ABCG8: variants seen among roughly 807,000 people sequenced by gnomAD.
The protein encoded by ABCG8 is ATP binding cassette subfamily G member 8.
ABCG8 carries 81 observed loss-of-function variants against 71.3 expected under a neutral mutation model. The ratio of observed to expected loss-of-function variants is 1.14; its 90% CI spans 0.95 to 1.37. The LOEUF is 1.37. ABCG8 is among the 40% of genes most tolerant of loss of function. The pLI is 0.00. For synonymous variants in ABCG8, 451 were observed against 354.7 expected (o/e 1.27, Z -3.05); for missense variants, 1,119 against 866.2 (o/e 1.29, Z -3.66).
chr2:43,852,746 A>G lies in ABCG8; in HGVS notation c.842A>G (p.Asp281Gly). ...QPRSDIFRLF[D>G]LVLLMTSGTP... The stretch of plus-strand genomic sequence containing the variant: ...CGCTCTGACATCTTCAGGCTGTTTG[A>G]TCTGGTCCTCCTGATGACGTCTGGC... Residue 281 changes from aspartate (D) to glycine (G), a missense_variant, in exon 6 of 13, where the codon GAT becomes GGT. Asp to Gly is a moderately conservative substitution (Grantham distance 94, BLOSUM62 -1). Coordinates refer to ENST00000272286, the MANE Select transcript of ABCG8 (RefSeq NM_022437.3). The G allele has an allele frequency of 1.9e-6, 3 of 1,614,090 alleles. No homozygotes were observed. The highest frequency in any genetic ancestry group is 1.7e-6 in the Non-Finnish European group (2 of 1,180,016).
intron 3 of ABCG8, chr2:43,846,987 CGT>C (rs199884676): frequency 0.11 from 11,395 of 100,770 alleles, 578 homozygotes; most frequent in African/African-American, 0.21. Flanking sequence ...TGCACGCGCG[CGT>C]GCACACACAC....
intron 3 of ABCG8, 143 bp downstream of exon 3, chr2:43,846,454 C>G (rs562516813): frequency 8.1e-7 from 1 of 1,237,402 alleles, no homozygotes; most frequent in Admixed American, 2.0e-5. Flanking sequence ...GGTTCTGGGT[C>G]AGACAGACCT....
intron 6 of ABCG8, among the ~76,000 whole-genome samples, chr2:43,870,221 A>G (rs35206901): frequency 0.21 from 31,794 of 150,268 alleles, 3,438 homozygotes; most frequent in Admixed American, 0.27. Flanking sequence ...CACTGTCTGG[A>G]TATAATCCTC....
chr2:43,849,984 G>C (rs957731342), intron 3 of ABCG8, among the ~76,000 whole-genome samples: 1 of 152,180 alleles, frequency 6.6e-6, no homozygotes, highest in Non-Finnish European at 1.5e-5. Flanking sequence ...CGGATCACCT[G>C]AGGTCAGGGG....
chr2:43,877,992 T>C lies in ABCG8; in HGVS notation c.*79T>C. The C allele has an allele frequency of 3.1e-6, 5 of 1,602,664 alleles. No individual in the cohort carries two copies. In the South Asian group the frequency reaches 3.3e-5, roughly 11 times the overall value. The stretch of plus-strand genomic sequence containing the variant: ...CACTCCCTCCTCAGGAGCCCCTTCC[T>C]GGGGACAGTGAGGACAATGACCCTA... On this transcript the variant is annotated 3_prime_UTR_variant, in exon 13 of 13. Transcript: ENST00000272286.
intron 6 of ABCG8, among the ~76,000 whole-genome samples, chr2:43,860,187 G>C (rs1208437369): frequency 6.7e-6 from 1 of 150,244 alleles, no homozygotes; most frequent in Non-Finnish European, 1.5e-5. Context: ...CTCACTATCT[G>C]TCTGGATAGA....
intron 6 of ABCG8, among the ~76,000 whole-genome samples, chr2:43,870,211 C>T (rs528335207): frequency 2.6e-4 from 39 of 149,844 alleles, no homozygotes; most frequent in Non-Finnish European, 2.9e-5. Context: ...ATAGAATTCT[C>T]ACTGTCTGGA....
intron 6 of ABCG8, among the ~76,000 whole-genome samples, chr2:43,863,538 C>A (rs1293852355): frequency 1.3e-5 from 2 of 151,188 alleles, no homozygotes; most frequent in Non-Finnish European, 3.0e-5. Flanking sequence ...GGATAGAATT[C>A]TCACCCTCTG....
rs1208569321 is a variant in ABCG8, at chr2:43,881,197, C to G, written c.*3284C>G. ...TAACTCAGTGGCTCTGTATGCCGTG[C>G]TGAAGGGGAAAAGGGCAAAGTGCAA... On this transcript the variant is annotated 3_prime_UTR_variant, in exon 13 of 13. Transcript: ENST00000272286. 6.6e-6 allele frequency: 1 copy of G among 152,232 alleles called. No individual in the cohort carries two copies. Among genetic ancestry groups the G allele is most frequent in the Non-Finnish European group, 1.5e-5 (1 of 68,064 alleles). The allele number at this position is 152,232 out of a possible 1,614,324, so 9.4% of individuals were successfully genotyped here. A position where few individuals can be genotyped will look rare whatever the true frequency, so the allele number is the denominator to read the frequency against.
chr2:43,867,522 G>T (rs767694101), intron 6 of ABCG8, among the ~76,000 whole-genome samples: 2 of 151,782 alleles, frequency 1.3e-5, no homozygotes, highest in Non-Finnish European at 2.9e-5. Flanking sequence ...TATCTGGATA[G>T]AATTGTCACC....
chr2:43,846,325 A>AAATC lies in ABCG8; in HGVS notation c.322+15_322+18dup. The AAATC allele has an allele frequency of 6.2e-7, 1 of 1,614,152 alleles. No homozygotes were observed. Among genetic ancestry groups the AAATC allele is most frequent in the Non-Finnish European group, 8.5e-7 (1 of 1,180,008 alleles). On this transcript the variant is annotated intron_variant, in intron 3 of 12. Transcript: ENST00000272286. ...TAGGGAGCTCAGGTACCGGAAAGGCAAATCGCTGGGCAATGGTTTCTCTCC... is the reference window on the plus strand; with the variant it reads ...TAGGGAGCTCAGGTACCGGAAAGGCAAATCAATCGCTGGGCAATGGTTTCTCTCC...
Position 43,852,407 on chromosome 2 carries a change from G to C in ABCG8, c.615G>C (p.Val205=). 1 of 1,612,504 alleles carries C rather than the reference G, an allele frequency of 6.2e-7. No homozygotes were observed. The highest frequency in any genetic ancestry group is 8.5e-7 in the Non-Finnish European group (1 of 1,180,018). Reference sequence around the variant, plus strand: ...TTAGGCAGTGCGCTGACACCCGCGTGGGCAACATGTACGTGCGGGGGTTGT... The same window carrying C: ...TTAGGCAGTGCGCTGACACCCGCGTCGGCAACATGTACGTGCGGGGGTTGT... ...LRLRQCADTR[V]GNMYVRGLSG... is the part of the protein sequence containing the mutation. The change falls in exon 5 of 13, where the codon GTG becomes GTC. Residue 205 remains valine, a synonymous_variant. Coordinates refer to ENST00000272286, the MANE Select transcript of ABCG8 (RefSeq NM_022437.3).
At chr2:43,871,867 G>A in intron 6 of ABCG8, 109 bp from the exon 7 acceptor site, 3 of 1,487,228 alleles carry the variant, frequency 2.0e-6, no homozygotes, top group Non-Finnish European at 2.8e-6. Context: ...ATGTCCCAGA[G>A]CCCCACGAGG....
intron 6 of ABCG8, among the ~76,000 whole-genome samples, chr2:43,855,871 T>C (rs1317747738): frequency 6.6e-6 from 1 of 152,080 alleles, no homozygotes; most frequent in African/African-American, 2.4e-5. Flanking sequence ...ACTCACTGTA[T>C]AGAACTCTCA....
At chr2:43,877,263 A>T (rs1404658619) in intron 11 of ABCG8, among the ~76,000 whole-genome samples, 1 of 148,974 alleles carries the variant, frequency 6.7e-6, no homozygotes, top group Non-Finnish European at 1.5e-5. Context: ...TATAAAGGAG[A>T]CCGTGGGAAT....
intron 8 of ABCG8, 51 bp from the exon 9 acceptor site, chr2:43,873,736 C>A: frequency 5.1e-6 from 8 of 1,584,024 alleles, no homozygotes; most frequent in Non-Finnish European, 6.9e-6. Context: ...CCCAGGGTCA[C>A]GGGGCTGGTG....
Position 43,873,823 on chromosome 2 carries a change from C to T in ABCG8, c.1248C>T (p.Thr416=). 3.7e-6 allele frequency: 6 copies of T among 1,614,154 alleles called. No homozygotes were observed. The highest frequency in any genetic ancestry group is 5.1e-6 in the Non-Finnish European group (6 of 1,180,042). Reference sequence around the variant, plus strand: ...CCAACGACTTCCGAGACCTGCCCACCCTCCTCATCCATGGGGCGGAGGCCT... The same window carrying T: ...CCAACGACTTCCGAGACCTGCCCACTCTCCTCATCCATGGGGCGGAGGCCT... ...QISNDFRDLP[T]LLIHGAEACL... Residue 416 remains threonine (T), a synonymous_variant, in exon 9 of 13, where the codon ACC becomes ACT. Transcript: ENST00000272286.
chr2:43,874,066 G>T, intron 9 of ABCG8, 80 bp downstream of exon 9: 1 of 1,357,184 alleles, frequency 7.4e-7, no homozygotes. Flanking sequence ...TGGGGAGCGG[G>T]TTTGATTTCA....
Position 43,852,691 on chromosome 2 carries a change from C to G in ABCG8, c.787C>G (p.Arg263Gly). 1 of 1,614,134 alleles carries G rather than the reference C, an allele frequency of 6.2e-7. No homozygotes were observed. The highest frequency in any genetic ancestry group is 8.5e-7 in the Non-Finnish European group (1 of 1,180,000). ...KTLSRLAKGN[R>G]LVLISLHQPR... ...CTTGTCCAGGCTGGCCAAAGGCAAC[C>G]GGCTGGTGCTCATCTCCCTCCACCA... Residue 263 changes from arginine to glycine, a missense_variant, in exon 6 of 13, where the codon CGG becomes GGG. Coordinates refer to ENST00000272286, the MANE Select transcript of ABCG8 (RefSeq NM_022437.3).
Sources: gnomAD v4.1 joint callset for allele counts (sites outside exome capture counted in the v4.1 genomes callset) on GRCh38, gnomAD v4.1.1 for gene constraint, MANE v1.5 for transcripts, NCBI Gene and HGNC (gene_info 2026-07-23, HGNC 2026-07-21) for gene names.